MSR1: variants seen among roughly 807,000 people sequenced by gnomAD.
MSR1 encodes macrophage scavenger receptor 1.
In MSR1, 53 loss-of-function variants were observed where a neutral mutation model predicts 47.2. That is an observed-to-expected ratio of 1.12 (90% CI 0.90 to 1.41). The LOEUF (loss-of-function observed/expected upper bound fraction) is 1.41. Among genes scored for constraint, MSR1 ranks in the 40% most tolerant of loss-of-function variants. The pLI, the probability that MSR1 is intolerant of heterozygous loss-of-function variation, is 0.00. For missense variants in MSR1, 786 were observed against 546.9 expected, an observed-to-expected ratio of 1.44 and a Z score of -4.36; for synonymous variants, 239 against 185.6, an observed-to-expected ratio of 1.29 and a Z score of -2.34.
intron 1 of MSR1, among the ~76,000 whole-genome samples, chr8:16,179,018 G>T (rs1051157415): frequency 3.3e-5 from 5 of 151,964 alleles, no homozygotes; most frequent in African/African-American, 1.2e-4. Context: ...TAACTTTCAC[G>T]TAAAAAGACA....
chr8:16,112,374 A>T (rs1240841294), intron 9 of MSR1, among the ~76,000 whole-genome samples: 1 of 152,176 alleles, frequency 6.6e-6, no homozygotes, highest in African/African-American at 2.4e-5. Context: ...GACTTTCTCA[A>T]ATTTACAAAG....
At chr8:16,148,541 C>G (rs780135553) in intron 7 of MSR1, among the ~76,000 whole-genome samples, 1 of 152,198 alleles carries the variant, frequency 6.6e-6, no homozygotes, top group African/African-American at 2.4e-5. Context: ...ATTGCAACCT[C>G]TGCCTCCTGG....
At chr8:16,137,687 T>C (rs925309919) in intron 8 of MSR1, among the ~76,000 whole-genome samples, 3 of 152,118 alleles carry the variant, frequency 2.0e-5, no homozygotes, top group Non-Finnish European at 4.4e-5. Context: ...AGGATTAATG[T>C]ATAATGCACC....
chr8:16,118,172 G>A (rs553242776), intron 9 of MSR1, among the ~76,000 whole-genome samples: 1 of 151,810 alleles, frequency 6.6e-6, no homozygotes, highest in South Asian at 2.1e-4. Context: ...CTAAATAACT[G>A]GCAAATTTTA....
intron 7 of MSR1, among the ~76,000 whole-genome samples, chr8:16,144,062 G>C (rs1180278453): frequency 3.9e-5 from 6 of 151,980 alleles, no homozygotes; most frequent in Non-Finnish European, 2.9e-5. Context: ...GACTTTCTGG[G>C]AGTGTTGAGA....
intron 1 of MSR1, among the ~76,000 whole-genome samples, chr8:16,188,363 T>C (rs1436758309): frequency 6.6e-6 from 1 of 152,164 alleles, no homozygotes; most frequent in Admixed American, 6.6e-5. Context: ...ATTTTTTAAA[T>C]GAAACTCGAG....
At chr8:16,186,824 G>T (rs540550264) in intron 1 of MSR1, among the ~76,000 whole-genome samples, 1 of 141,264 alleles carries the variant, frequency 7.1e-6, no homozygotes, top group South Asian at 2.2e-4. Flanking sequence ...ATGTTGCCCA[G>T]GCTGATCTCA....
At chr8:16,111,969 T>TG (rs145329024) in intron 9 of MSR1, among the ~76,000 whole-genome samples, 15,434 of 152,116 alleles carry the variant, frequency 0.1, 976 homozygotes, top group South Asian at 0.2. Context: ...AAATCTCCTT[T>TG]GGTGCCTACA....
At chr8:16,113,916 A>T (rs1799819407) in intron 9 of MSR1, among the ~76,000 whole-genome samples, 1 of 89,184 alleles carries the variant, frequency 1.1e-5, no homozygotes, top group African/African-American at 4.4e-5. Context: ...ACCCCCAACC[A>T]CCATAATGAC....
intron 1 of MSR1, among the ~76,000 whole-genome samples, chr8:16,189,915 C>CTTTT (rs760309231): frequency 9.2e-5 from 11 of 119,110 alleles, no homozygotes; most frequent in African/African-American, 2.7e-4. Context: ...TAAATATTTC[C>CTTTT]TTTTTTTTTT....
At chr8:16,184,128 T>C (rs1778101744) in intron 1 of MSR1, among the ~76,000 whole-genome samples, 1 of 151,702 alleles carries the variant, frequency 6.6e-6, no homozygotes, top group Admixed American at 6.6e-5. Flanking sequence ...AGACAACATT[T>C]ATTTTTCACC....
chr8:16,118,805 T>G (rs1799934157), intron 9 of MSR1, among the ~76,000 whole-genome samples: 1 of 152,166 alleles, frequency 6.6e-6, no homozygotes, highest in South Asian at 2.1e-4. Context: ...GAGGATTTTT[T>G]CTTTTTCCTC....
intron 3 of MSR1, among the ~76,000 whole-genome samples, chr8:16,174,431 G>A (rs548994323): frequency 5.3e-5 from 8 of 152,026 alleles, no homozygotes; most frequent in East Asian, 1.9e-4. Context: ...AATGCTACGC[G>A]GGGAATAATA....
chr8:16,124,791 A>C (rs1800091875), intron 8 of MSR1, among the ~76,000 whole-genome samples: 1 of 152,206 alleles, frequency 6.6e-6, no homozygotes, highest in African/African-American at 2.4e-5. Flanking sequence ...GTCACTCAGT[A>C]GTCACTTGAG....
chr8:16,133,035 T>C (rs561270932), intron 8 of MSR1, among the ~76,000 whole-genome samples: 25 of 152,312 alleles, frequency 1.6e-4, no homozygotes, highest in African/African-American at 6.0e-4. Flanking sequence ...CATCATGTAG[T>C]TTTTGTTGTT....
intron 6 of MSR1, among the ~76,000 whole-genome samples, chr8:16,152,933 T>G (rs911168454): frequency 1.3e-5 from 2 of 152,100 alleles, no homozygotes; most frequent in Non-Finnish European, 2.9e-5. Context: ...TGATAGGTCA[T>G]TCTCCCTAGC....
At chr8:16,137,169 A>G (rs906374324) in intron 8 of MSR1, among the ~76,000 whole-genome samples, 5 of 152,186 alleles carry the variant, frequency 3.3e-5, no homozygotes, top group Admixed American at 1.3e-4. Context: ...CCAGGTGCAC[A>G]TAAGTAGCTC....
chr8:16,184,256 G>C (rs398095), intron 1 of MSR1, among the ~76,000 whole-genome samples: 33,205 of 151,800 alleles, frequency 0.22, 4,737 homozygotes, highest in East Asian at 0.53. Context: ...CCTAGATTCA[G>C]GTAACTTCCT....
At chr8:16,122,292 G>C (rs1469030229) in intron 8 of MSR1, among the ~76,000 whole-genome samples, 2 of 152,026 alleles carry the variant, frequency 1.3e-5, no homozygotes, top group Non-Finnish European at 1.5e-5. Flanking sequence ...AAGAAAACGA[G>C]AAAGAAAAAT....
Sources: gnomAD v4.1 joint callset for allele counts (sites outside exome capture counted in the v4.1 genomes callset) on GRCh38, gnomAD v4.1.1 for gene constraint, MANE v1.5 for transcripts, NCBI Gene and HGNC (gene_info 2026-07-23, HGNC 2026-07-21) for gene names.